Variants in ANKRD12 observed in about 807,000 individuals in gnomAD.
ANKRD12 encodes ankyrin repeat domain-containing protein 12.
In ANKRD12, 85 loss-of-function variants were observed where a neutral mutation model predicts 183.4. The ratio of observed to expected loss-of-function variants is 0.46; its 90% CI spans 0.39 to 0.56. ANKRD12 has a LOEUF of 0.56. ANKRD12 is among the 20% of genes least tolerant of loss of function. The pLI, the probability that ANKRD12 is intolerant of heterozygous loss-of-function variation, is 0.00. For synonymous variants in ANKRD12, 914 were observed against 800.2 expected, an observed-to-expected ratio of 1.14 and a Z score of -2.40; for missense variants, 2,405 against 2,357.1, an observed-to-expected ratio of 1.02 and a Z score of -0.42.
intron 1 of ANKRD12, among the ~76,000 whole-genome samples, chr18:9,160,383 G>T (rs2031239694): frequency 6.6e-6 from 1 of 152,232 alleles, no homozygotes; most frequent in Admixed American, 6.5e-5. Flanking sequence ...AAAGTGCTAG[G>T]ATTATAGGCA....
At chr18:9,153,944 T>A (rs1385076215) in intron 1 of ANKRD12, among the ~76,000 whole-genome samples, 1 of 152,190 alleles carries the variant, frequency 6.6e-6, no homozygotes, top group Non-Finnish European at 1.5e-5. Flanking sequence ...GGTTCTTTTT[T>A]GTAACTACTT....
chr18:9,208,596 A>G, intron 4 of ANKRD12, 61 bp from the exon 5 acceptor site: 1 of 1,474,498 alleles, frequency 6.8e-7, no homozygotes, highest in Non-Finnish European at 9.1e-7. Context: ...AATTCATCTT[A>G]AACTTGCTTT....
chr18:9,194,971 G>A (rs143370082), intron 2 of ANKRD12, among the ~76,000 whole-genome samples: 1 of 152,264 alleles, frequency 6.6e-6, no homozygotes, highest in Non-Finnish European at 1.5e-5. Flanking sequence ...AGAAAATGTG[G>A]TATATACACA....
chr18:9,162,106 C>T (rs34462573), intron 1 of ANKRD12, among the ~76,000 whole-genome samples: 112 of 152,082 alleles, frequency 7.4e-4, no homozygotes, highest in Non-Finnish European at 1.4e-3. Context: ...AAACATATGC[C>T]GTGGTGGTTT....
chr18:9,175,985 C>T (rs1017953209), intron 1 of ANKRD12, among the ~76,000 whole-genome samples: 1 of 152,118 alleles, frequency 6.6e-6, no homozygotes, highest in Non-Finnish European at 1.5e-5. Flanking sequence ...AGTTATTGTA[C>T]TAAGAAGTCT....
intron 1 of ANKRD12, among the ~76,000 whole-genome samples, chr18:9,166,482 C>T (rs1360211693): frequency 2.6e-5 from 4 of 152,156 alleles, no homozygotes; most frequent in African/African-American, 9.7e-5. Context: ...TGATGATGAG[C>T]ATTTTTTCAT....
At chr18:9,275,413 C>T (rs2039784382) in intron 10 of ANKRD12, 111 bp from the exon 11 acceptor site, 1 of 866,102 alleles carries the variant, frequency 1.2e-6, no homozygotes, top group Non-Finnish European at 1.7e-6. Context: ...GTCAAGGCTG[C>T]AGTGAGCTGT....
At chr18:9,223,210 G>A (rs1269272931) in intron 8 of ANKRD12, among the ~76,000 whole-genome samples, 7 of 151,808 alleles carry the variant, frequency 4.6e-5, no homozygotes, top group African/African-American at 1.5e-4. Context: ...ACTTGAGGCC[G>A]AGAGTTCAAG....
intron 1 of ANKRD12, chr18:9,137,532 C>G (rs1334736851): frequency 1.3e-5 from 2 of 148,890 alleles, no homozygotes; most frequent in Non-Finnish European, 3.0e-5. Flanking sequence ...CGCCAGCCGC[C>G]GAGCGTGCGC....
At chr18:9,165,800 T>C (rs2031983659) in intron 1 of ANKRD12, among the ~76,000 whole-genome samples, 1 of 151,822 alleles carries the variant, frequency 6.6e-6, no homozygotes, top group African/African-American at 2.4e-5. Context: ...ACATGTGCCA[T>C]GTTGGTGTGC....
At chr18:9,165,690 C>T (rs934082568) in intron 1 of ANKRD12, among the ~76,000 whole-genome samples, 2 of 151,798 alleles carry the variant, frequency 1.3e-5, no homozygotes, top group Admixed American at 6.6e-5. Flanking sequence ...GTCAGAATTT[C>T]CCTCCTTTTT....
chr18:9,218,600 T>C (rs11872176), intron 7 of ANKRD12, among the ~76,000 whole-genome samples: 16,873 of 152,180 alleles, frequency 0.11, 1,097 homozygotes, highest in African/African-American at 0.16. Flanking sequence ...TTAACATAGC[T>C]TACTAAGAAC....
chr18:9,255,011 C>CCA lies in ANKRD12; in HGVS notation c.1744_1745insCA (p.Arg582ProfsTer17). The CCA allele has an allele frequency of 6.2e-7, 1 of 1,607,552 alleles. No homozygotes were observed. Among genetic ancestry groups the CCA allele is most frequent in the Non-Finnish European group, 8.5e-7 (1 of 1,177,770 alleles). On this transcript the variant is annotated frameshift_variant, in exon 9 of 13. Transcript: ENST00000262126. LOFTEE classifies it high-confidence loss of function. ...AATGTCATTACAGCCTGATCTTGTTCGGTATGATAATACAGAATCTGAATT... is the reference window on the plus strand; with the variant it reads ...AATGTCATTACAGCCTGATCTTGTTCCAGGTATGATAATACAGAATCTGAATT...
intron 1 of ANKRD12, among the ~76,000 whole-genome samples, chr18:9,151,751 AACTT>A (rs758497560): frequency 5.9e-5 from 9 of 152,180 alleles, no homozygotes; most frequent in Non-Finnish European, 1.0e-4. Flanking sequence ...TAAAGTTAGG[AACTT>A]GCATTCCTTG....
At chr18:9,249,330 T>C (rs1037002550) in intron 8 of ANKRD12, among the ~76,000 whole-genome samples, 2 of 152,222 alleles carry the variant, frequency 1.3e-5, no homozygotes, top group African/African-American at 4.8e-5. Context: ...CCCTGGGTGC[T>C]ATAAATGGTG....
intron 5 of ANKRD12, 112 bp from the exon 6 acceptor site, chr18:9,211,472 G>C (rs547526796): frequency 9.6e-6 from 9 of 937,178 alleles, no homozygotes; most frequent in African/African-American, 1.7e-5. Flanking sequence ...TTGTTAGGGT[G>C]AGAAGGCATT....
intron 4 of ANKRD12, among the ~76,000 whole-genome samples, chr18:9,207,691 T>C (rs1269807303): frequency 6.6e-6 from 1 of 152,154 alleles, no homozygotes; most frequent in African/African-American, 2.4e-5. Context: ...TTTTGAATAT[T>C]CTTTATTTTA....
At chr18:9,166,503 G>A (rs1335802992) in intron 1 of ANKRD12, among the ~76,000 whole-genome samples, 1 of 152,050 alleles carries the variant, frequency 6.6e-6, no homozygotes, top group African/African-American at 2.4e-5. Flanking sequence ...GTGTTTTTTG[G>A]CTGCATAAAT....
chr18:9,181,159 A>T (rs2033671804), intron 1 of ANKRD12, among the ~76,000 whole-genome samples: 1 of 152,126 alleles, frequency 6.6e-6, no homozygotes, highest in African/African-American at 2.4e-5. Flanking sequence ...CTCCTCTATA[A>T]AATGAAAGAT....
Sources: allele counts gnomAD v4.1 joint callset (sites outside exome capture counted in the v4.1 genomes callset), GRCh38; gene constraint gnomAD v4.1.1; transcripts MANE v1.5; gene names NCBI Gene and HGNC (gene_info 2026-07-23, HGNC 2026-07-21).